WWTR1: variants seen among roughly 807,000 people sequenced by gnomAD.
WWTR1 encodes the protein WW domain-containing transcription regulator protein 1.
A neutral mutation model predicts 40.1 loss-of-function variants in WWTR1; 13 were observed. The ratio of observed to expected loss-of-function variants is 0.32; its 90% confidence interval spans 0.21 to 0.52. The LOEUF (loss-of-function observed/expected upper bound fraction) is 0.52, where lower values mean the gene tolerates loss of function less well. Ranked by LOEUF, WWTR1 falls within the 20% of genes least tolerant of loss-of-function variation. WWTR1 has a pLI of 0.97. For synonymous variants in WWTR1, 230 were observed against 210.1 expected, an observed-to-expected ratio of 1.09 and a Z score of -0.82; for missense variants, 436 against 523.1, an observed-to-expected ratio of 0.83 and a Z score of 1.63.
chr3:149,542,521 G>A lies in WWTR1; in HGVS notation c.585C>T (p.His195=). ...GGGTACTGGGGGCCATCTGCTGCTG[G>A]TGTTGGTGATTCATCACTGCAAGAG... The part of the protein sequence containing the change: ...SQPNLVMNHQ[H]QQQMAPSTLS... Residue 195 remains histidine (H), a synonymous_variant, in exon 4 of 7, where the codon CAC becomes CAT. Coordinates refer to ENST00000360632, the MANE Select transcript of WWTR1 (RefSeq NM_015472.6). The A allele has an allele frequency of 6.2e-7, 1 of 1,612,520 alleles. No homozygotes were observed. The highest frequency in any genetic ancestry group is 8.5e-7 in the Non-Finnish European group (1 of 1,179,086).
chr3:149,608,599 G>A (rs1739593283), intron 2 of WWTR1, among the ~76,000 whole-genome samples: 1 of 152,038 alleles, frequency 6.6e-6, no homozygotes, highest in Non-Finnish European at 1.5e-5. Flanking sequence ...ATACTGGCCA[G>A]GCTGGTTTCG....
chr3:149,611,296 C>A (rs1022826722), intron 2 of WWTR1, among the ~76,000 whole-genome samples: 1 of 152,162 alleles, frequency 6.6e-6, no homozygotes, highest in Non-Finnish European at 1.5e-5. Context: ...CTAACTACAG[C>A]CTGCAGGCCA....
chr3:149,723,521 T>G (rs1715807209), intron 4 of WWTR1, among the ~76,000 whole-genome samples: 1 of 152,170 alleles, frequency 6.6e-6, no homozygotes, highest in East Asian at 1.9e-4. Flanking sequence ...TTGTTGTTGT[T>G]GTAGGCTGTC....
intron 5 of WWTR1, among the ~76,000 whole-genome samples, chr3:149,715,474 CG>C (rs1389081686): frequency 6.6e-6 from 1 of 152,236 alleles, no homozygotes; most frequent in Non-Finnish European, 1.5e-5. Flanking sequence ...CAGCAGCCGG[CG>C]TATTTGTGCG....
chr3:149,574,896 A>C (rs1483133752), intron 2 of WWTR1, among the ~76,000 whole-genome samples: 1 of 152,056 alleles, frequency 6.6e-6, no homozygotes, highest in Non-Finnish European at 1.5e-5. Flanking sequence ...AGAGTTCGAG[A>C]CCAGCCTGGC....
chr3:149,573,134 GTTTC>G, intron 2 of WWTR1, 134 bp from the exon 3 acceptor site: 3 of 1,017,410 alleles, frequency 2.9e-6, no homozygotes, highest in Non-Finnish European at 4.2e-6. Context: ...ATTGTGCTTG[GTTTC>G]ATCCAAGGAC....
chr3:149,686,708 A>G (rs78697545), intron 1 of WWTR1, among the ~76,000 whole-genome samples: 3,228 of 152,246 alleles, frequency 0.021, 63 homozygotes, highest in South Asian at 0.092. Flanking sequence ...CCCCTGAGCT[A>G]GGAATAGGGT....
intron 1 of WWTR1, among the ~76,000 whole-genome samples, chr3:149,672,747 A>G (rs920038349): frequency 2.6e-5 from 4 of 151,354 alleles, no homozygotes; most frequent in South Asian, 4.2e-4. Context: ...AAAAAGATAT[A>G]TAAGAGGATG....
At position 149,690,324 on chromosome 3, in the gene WWTR1, G is replaced by C. The variant is rs576238993; in HGVS notation, c.-108+12800C>G. The stretch of plus-strand genomic sequence containing the variant: ...ACTCTCCAATCAAAAGACATAGAGT[G>C]GCTGAATGGATATAAAAACAAGACC... On this transcript the variant is annotated intron_variant, in intron 1 of 7. Transcript: ENST00000465804. Among the ~76,000 whole-genome samples the C allele has an allele frequency of 2.0e-5, 3 of 151,966 alleles. No homozygotes were observed. The East Asian group carries it at 5.8e-4, about 29-fold the overall frequency.
In WWTR1 at chr3:149,520,777, G is replaced by A. The variant is rs1735003014; in HGVS notation, c.*28C>T. ...AGAGGCCCAGGAAATGTAAGGTCAT[G>A]GCTACATCCAAGTTACAATGGTAGT... is the stretch of plus-strand genomic sequence containing the variant. On this transcript the variant is annotated 3_prime_UTR_variant, in exon 7 of 7. Transcript: ENST00000360632. The A allele has an allele frequency of 1.3e-6, 2 of 1,533,316 alleles. No individual in the cohort carries two copies. The highest frequency in any genetic ancestry group is 1.7e-6 in the Non-Finnish European group (2 of 1,143,366). The allele number at this position is 1,533,316 out of a possible 1,614,324, so 95.0% of individuals were successfully genotyped here.
chr3:149,541,659 G>T (rs1335262178), intron 4 of WWTR1, among the ~76,000 whole-genome samples: 3 of 151,888 alleles, frequency 2.0e-5, no homozygotes, highest in African/African-American at 7.3e-5. Flanking sequence ...GCGACTCCAC[G>T]ACCGTTTCCA....
intron 2 of WWTR1, among the ~76,000 whole-genome samples, chr3:149,643,272 A>C (rs1412837389): frequency 1.3e-5 from 2 of 152,224 alleles, no homozygotes; most frequent in African/African-American, 4.8e-5. Context: ...ACAGTTACAT[A>C]ATATTTGGAA....
intron 3 of WWTR1, among the ~76,000 whole-genome samples, chr3:149,568,400 C>T (rs1383812739): frequency 1.3e-5 from 2 of 151,684 alleles, no homozygotes; most frequent in East Asian, 1.9e-4. Context: ...GGAATTCAGG[C>T]TTAAAGGCCA....
At chr3:149,601,252 G>A (rs971782830) in intron 2 of WWTR1, among the ~76,000 whole-genome samples, 27 of 151,980 alleles carry the variant, frequency 1.8e-4, no homozygotes, top group African/African-American at 6.0e-4. Flanking sequence ...GTGCAATGGA[G>A]CCATCTCAGC....
intron 4 of WWTR1, 106 bp downstream of exon 4, chr3:149,542,229 G>GTC: frequency 7.6e-7 from 1 of 1,323,050 alleles, no homozygotes; most frequent in Non-Finnish European, 1.0e-6. Flanking sequence ...GAGCCCTATT[G>GTC]TCTCTTCTTC....
intron 4 of WWTR1, among the ~76,000 whole-genome samples, chr3:149,532,779 C>T (rs1299288536): frequency 1.3e-5 from 2 of 152,178 alleles, no homozygotes; most frequent in African/African-American, 2.4e-5. Flanking sequence ...ACATGACATC[C>T]ACTACCCTTG....
chr3:149,626,946 A>AAAG (rs1560091946), intron 2 of WWTR1, among the ~76,000 whole-genome samples: 2 of 151,928 alleles, frequency 1.3e-5, no homozygotes, highest in Non-Finnish European at 2.9e-5. Flanking sequence ...CCACCGTGCC[A>AAAG]CTCCCCAGCA....
intron 3 of WWTR1, among the ~76,000 whole-genome samples, chr3:149,555,488 A>G (rs1191347650): frequency 2.0e-5 from 3 of 152,092 alleles, no homozygotes; most frequent in African/African-American, 4.8e-5. Context: ...ACTCAGGAAA[A>G]AAAAAAAAAA....
At chr3:149,698,378 G>A (rs13092084) in intron 1 of WWTR1, among the ~76,000 whole-genome samples, 9,266 of 152,298 alleles carry the variant, frequency 0.061, 325 homozygotes, top group Non-Finnish European at 0.081. Context: ...AGACGTGCCT[G>A]TTTCACTTCT....
Sources: allele counts gnomAD v4.1 joint callset (sites outside exome capture counted in the v4.1 genomes callset), GRCh38; gene constraint gnomAD v4.1.1; transcripts MANE v1.5; gene names NCBI Gene and HGNC (gene_info 2026-07-23, HGNC 2026-07-21).